PTK7: variants seen among roughly 807,000 people sequenced by gnomAD.
PTK7 encodes the protein protein tyrosine kinase 7 (inactive).
A neutral mutation model predicts 116.6 loss-of-function variants in PTK7; 39 were observed. The observed-to-expected ratio is 0.33, with a 90% CI of 0.26 to 0.44. The LOEUF (loss-of-function observed/expected upper bound fraction) is 0.44. Among genes scored for constraint, PTK7 ranks in the 20% least tolerant of loss-of-function variants. The pLI is 1.00. For synonymous variants in PTK7, 546 were observed against 563.6 expected, an observed-to-expected ratio of 0.97 and a Z score of 0.44; for missense variants, 1,169 against 1,425.6, an observed-to-expected ratio of 0.82 and a Z score of 2.90.
At chr6:43,091,734 A>T (rs894825717) in intron 1 of PTK7, among the ~76,000 whole-genome samples, 4 of 152,252 alleles carry the variant, frequency 2.6e-5, no homozygotes, top group Non-Finnish European at 5.9e-5. Context: ...TTTAAGTTTT[A>T]TGCCATTCAG....
chr6:43,132,549 C>T lies in PTK7; in HGVS notation c.1090C>T (p.Pro364Ser), dbSNP rs1240619776. 11 of 1,613,322 alleles carry T rather than the reference C, an allele frequency of 6.8e-6. No individual in the cohort carries two copies. The Admixed American group carries it at 1.5e-4, about 22-fold the overall frequency. ...GTGGGAGCACGCGGGAGTCCGGCTG[C>T]CCACCCATGGCAGGGTCTACCAGAA... Reference protein sequence around the residue: ...VWWEHAGVRLPTHGRVYQKGH... With the variant: ...VWWEHAGVRLSTHGRVYQKGH... Residue 364 changes from proline to serine, a missense_variant, in exon 7 of 20, where the codon CCC becomes TCC. Coordinates refer to ENST00000230419, the MANE Select transcript of PTK7 (RefSeq NM_002821.5).
chr6:43,119,687 G>A (rs189311359), intron 1 of PTK7, among the ~76,000 whole-genome samples: 85 of 152,336 alleles, frequency 5.6e-4, no homozygotes, highest in African/African-American at 1.7e-3. Context: ...TGAGCTCGTG[G>A]CATATTTCCC....
intron 17 of PTK7, among the ~76,000 whole-genome samples, chr6:43,157,395 T>TTA (rs1771568185): frequency 8.0e-6 from 1 of 124,970 alleles, no homozygotes; most frequent in East Asian, 2.3e-4. Context: ...TTTTTTTTTT[T>TTA]AATAGAGTCT....
chr6:43,103,925 C>CT (rs1354825518), intron 1 of PTK7, among the ~76,000 whole-genome samples: 25 of 152,318 alleles, frequency 1.6e-4, no homozygotes, highest in Admixed American at 2.6e-4. Context: ...TGAGGCAAGT[C>CT]TGCACCCGGG....
At chr6:43,087,114 T>C (rs1003272414) in intron 1 of PTK7, among the ~76,000 whole-genome samples, 2 of 152,204 alleles carry the variant, frequency 1.3e-5, no homozygotes, top group East Asian at 1.9e-4. Flanking sequence ...CTGCCTCCTA[T>C]GGTGGTGGGA....
rs1018279066 is a variant in PTK7 at position 43,132,700 on chromosome 6, G to T, written c.1228+13G>T. 5 of 1,555,724 alleles carry T rather than the reference G, an allele frequency of 3.2e-6. No individual in the cohort carries two copies. On this transcript the variant is annotated intron_variant, in intron 7 of 19. Coordinates refer to ENST00000230419, the MANE Select transcript of PTK7 (RefSeq NM_002821.5). ...ATCACTGTGGCCAGTGAGCACCTTT[G>T]CCCTGAAGGTCAAGGAGAGGTGGAG... is the stretch of plus-strand genomic sequence containing the variant.
At chr6:43,123,464 TC>T (rs1215529680) in intron 1 of PTK7, among the ~76,000 whole-genome samples, 1 of 152,148 alleles carries the variant, frequency 6.6e-6, no homozygotes, top group African/African-American at 2.4e-5. Context: ...AGGAAAAACT[TC>T]CTGCTGCTCC....
At chr6:43,133,653 T>A (rs1217832574) in intron 7 of PTK7, 1 of 152,220 alleles carries the variant, frequency 6.6e-6, no homozygotes, top group Non-Finnish European at 1.5e-5. Context: ...TACCATGCCT[T>A]GTTCCAAACC....
chr6:43,080,684 G>A (rs1766326248), intron 1 of PTK7, among the ~76,000 whole-genome samples: 1 of 152,166 alleles, frequency 6.6e-6, no homozygotes, highest in Non-Finnish European at 1.5e-5. Context: ...GCTCACATCT[G>A]TAATCCCAGC....
intron 1 of PTK7, among the ~76,000 whole-genome samples, chr6:43,101,628 AAGT>A (rs1238054637): frequency 6.6e-6 from 1 of 152,138 alleles, no homozygotes; most frequent in East Asian, 1.9e-4. Flanking sequence ...AATGTTGAAG[AAGT>A]AGAGCCTGTA....
Position 43,076,401 on chromosome 6 carries a change from C to G in PTK7, c.-88C>G, listed in dbSNP as rs1561924940. 9.2e-7 allele frequency: 1 copy of G among 1,090,836 alleles called. No homozygotes were observed. Among genetic ancestry groups the G allele is most frequent in the East Asian group, 3.4e-5 (1 of 29,368 alleles). 67.6% of individuals were successfully genotyped at this position (1,090,836 alleles called of 1,614,324 possible). On this transcript the variant is annotated 5_prime_UTR_variant, in exon 1 of 20. Transcript: ENST00000230419. The surrounding 1 kb of genome is among the most constrained non-coding windows in gnomAD (Gnocchi z 5.7). ...CGGCTGCTGCTGCGGCGCCCGCGCT[C>G]CGGTGCGCTCCGCCTCCTGTGCCCG...
At chr6:43,086,416 C>CT (rs35357864) in intron 1 of PTK7, among the ~76,000 whole-genome samples, 3,241 of 140,500 alleles carry the variant, frequency 0.023, 57 homozygotes, top group Non-Finnish European at 0.034. Context: ...GACACTCTGG[C>CT]TTTTTTTTTT....
intron 1 of PTK7, among the ~76,000 whole-genome samples, chr6:43,109,484 A>G (rs1211275016): frequency 1.3e-5 from 2 of 152,160 alleles, no homozygotes; most frequent in East Asian, 3.8e-4. Context: ...CTGCAAGGAG[A>G]AAGGACATAA....
chr6:43,159,743 C>T (rs1309483327), intron 18 of PTK7, 45 bp from the exon 19 acceptor site: 4 of 1,599,756 alleles, frequency 2.5e-6, no homozygotes, highest in Non-Finnish European at 3.4e-6. Context: ...AGCGCCAGGC[C>T]ACGCTCCCAC....
intron 7 of PTK7, among the ~76,000 whole-genome samples, chr6:43,134,629 A>C (rs1422924979): frequency 1.3e-5 from 2 of 151,932 alleles, no homozygotes; most frequent in Non-Finnish European, 2.9e-5. Flanking sequence ...AAAATACAAA[A>C]ATTAGCTGGG....
chr6:43,155,420 A>G (rs1183907233), intron 17 of PTK7, among the ~76,000 whole-genome samples: 1 of 152,042 alleles, frequency 6.6e-6, no homozygotes, highest in African/African-American at 2.4e-5. Context: ...AGGCAGGTGG[A>G]TCACGAGGTT....
intron 1 of PTK7, among the ~76,000 whole-genome samples, chr6:43,086,142 A>G (rs988228349): frequency 6.6e-6 from 1 of 152,172 alleles, no homozygotes; most frequent in African/African-American, 2.4e-5. Context: ...CTCTCCTGGC[A>G]TGCTGAGGTT....
At chr6:43,116,795 G>T (rs764362035) in intron 1 of PTK7, among the ~76,000 whole-genome samples, 5 of 152,110 alleles carry the variant, frequency 3.3e-5, no homozygotes, top group Non-Finnish European at 7.4e-5. Context: ...AGAGGCTGTA[G>T]ACTTCAACTA....
At chr6:43,080,300 C>T (rs1009444959) in intron 1 of PTK7, among the ~76,000 whole-genome samples, 5 of 151,782 alleles carry the variant, frequency 3.3e-5, no homozygotes, top group South Asian at 2.1e-4. Flanking sequence ...TGCAGTGAGC[C>T]GAGATTGCAC....
Sources: gnomAD v4.1 joint callset for allele counts (sites outside exome capture counted in the v4.1 genomes callset) on GRCh38, gnomAD v4.1.1 for gene constraint, Gnocchi (gnomAD v3.1) non-coding constraint, MANE v1.5 for transcripts, NCBI Gene and HGNC (gene_info 2026-07-23, HGNC 2026-07-21) for gene names.